Variants in SPTLC3 observed in about 807,000 individuals in gnomAD.
SPTLC3 encodes serine palmitoyltransferase 3.
A neutral mutation model predicts 59.3 loss-of-function variants in SPTLC3; 36 were observed. The ratio of observed to expected loss-of-function variants is 0.61; its 90% confidence interval spans 0.47 to 0.80. The LOEUF is 0.80. Ranked by LOEUF, SPTLC3 falls within the 30% of genes least tolerant of loss-of-function variation. The probability of loss-of-function intolerance (pLI) is 0.00; values close to 1 mark genes in which losing one functional copy is unlikely to be tolerated. For missense variants in SPTLC3, 625 were observed against 685.1 expected (o/e 0.91, Z 0.98); for synonymous variants, 257 against 240.8 (o/e 1.07, Z -0.62).
At chr20:13,027,637 GCACGCACACA>G (rs538847395) in intron 1 of SPTLC3, among the ~76,000 whole-genome samples, 7,583 of 71,518 alleles carry the variant, frequency 0.11, 232 homozygotes, top group South Asian at 0.21. Flanking sequence ...ATCTATTTCA[GCACGCACACA>G]CACACACACA....
intron 4 of SPTLC3, among the ~76,000 whole-genome samples, chr20:13,088,185 A>C (rs949865911): frequency 6.6e-6 from 1 of 152,204 alleles, no homozygotes; most frequent in African/African-American, 2.4e-5. Context: ...TTTATTCCCA[A>C]ATATCAGTTT....
chr20:13,082,861 T>C (rs537683396), intron 4 of SPTLC3, among the ~76,000 whole-genome samples: 10 of 152,288 alleles, frequency 6.6e-5, no homozygotes, highest in African/African-American at 2.4e-4. Flanking sequence ...GGCACCTGTG[T>C]ATATCTTTTA....
intron 7 of SPTLC3, among the ~76,000 whole-genome samples, chr20:13,113,396 T>TA (rs1320228646): frequency 6.6e-6 from 1 of 152,052 alleles, no homozygotes; most frequent in Admixed American, 6.6e-5. Context: ...CACCCCCACA[T>TA]ACATCAGCAC....
At chr20:13,080,422 C>T (rs548236890) in intron 4 of SPTLC3, among the ~76,000 whole-genome samples, 10 of 150,364 alleles carry the variant, frequency 6.7e-5, no homozygotes, top group Non-Finnish European at 1.0e-4. Flanking sequence ...GCAGGAAAAT[C>T]GCTTGAACCC....
intron 1 of SPTLC3, among the ~76,000 whole-genome samples, chr20:13,035,519 C>T (rs1986694031): frequency 6.6e-6 from 1 of 152,116 alleles, no homozygotes; most frequent in Non-Finnish European, 1.5e-5. Flanking sequence ...TTAATTACAC[C>T]AGGTGCCTTC....
At chr20:13,036,656 C>A (rs145467817) in intron 1 of SPTLC3, among the ~76,000 whole-genome samples, 1 of 152,042 alleles carries the variant, frequency 6.6e-6, no homozygotes, top group Non-Finnish European at 1.5e-5. Context: ...AAGGCCAGCA[C>A]CCTTAACCCC....
intron 1 of SPTLC3, among the ~76,000 whole-genome samples, chr20:13,026,910 C>T (rs1442713573): frequency 6.6e-6 from 1 of 152,264 alleles, no homozygotes; most frequent in African/African-American, 2.4e-5. Flanking sequence ...GATTCAACAC[C>T]CCCTAGAAGC....
chr20:13,026,193 G>C (rs2122409529), intron 1 of SPTLC3, among the ~76,000 whole-genome samples: 1 of 152,258 alleles, frequency 6.6e-6, no homozygotes, highest in Admixed American at 6.5e-5. Flanking sequence ...GAACATATAT[G>C]TGCATGTTTC....
At chr20:13,153,918 C>T (rs1275295238) in intron 9 of SPTLC3, 85 bp from the exon 10 acceptor site, 6 of 1,554,732 alleles carry the variant, frequency 3.9e-6, no homozygotes, top group Non-Finnish European at 4.4e-6. Context: ...TGCAGAAAGA[C>T]TTAAAGATGC....
At chr20:13,147,316 C>G (rs2038536925) in intron 9 of SPTLC3, among the ~76,000 whole-genome samples, 1 of 152,214 alleles carries the variant, frequency 6.6e-6, no homozygotes. Flanking sequence ...TTCTCCACCC[C>G]ACTGGGAAGC....
chr20:13,130,425 G>T lies in SPTLC3; in HGVS notation c.1279+3708G>T, dbSNP rs144192437. ...GTTGAGTTTGGGGAGCAGTTGGCCA[G>T]ATCTGTTCCTTGATGAATGTCTTCA... On this transcript the variant is annotated intron_variant, in intron 9 of 11. Transcript: ENST00000399002. 1.5e-3 allele frequency among the ~76,000 whole-genome samples: 234 copies of T among 152,320 alleles called. 1 individual carries two copies. Among genetic ancestry groups the T allele is most frequent in the African/African-American group, 5.4e-3 (225 of 41,570 alleles).
chr20:13,067,643 C>T (rs1472029124), intron 2 of SPTLC3, among the ~76,000 whole-genome samples: 1 of 152,108 alleles, frequency 6.6e-6, no homozygotes, highest in Middle Eastern at 3.2e-3. Context: ...CATCTTTATT[C>T]AATATCTCTA....
chr20:13,142,541 T>C (rs1241267388), intron 9 of SPTLC3, among the ~76,000 whole-genome samples: 1 of 152,160 alleles, frequency 6.6e-6, no homozygotes, highest in Non-Finnish European at 1.5e-5. Context: ...AGTGTGTGGG[T>C]CTGGGCTAGA....
At chr20:13,044,002 C>T (rs575511677) in intron 1 of SPTLC3, among the ~76,000 whole-genome samples, 2 of 152,090 alleles carry the variant, frequency 1.3e-5, no homozygotes, top group Admixed American at 1.3e-4. Context: ...TCCCTCACCT[C>T]TTCCTCCCTC....
chr20:13,102,711 C>T lies in SPTLC3; in HGVS notation c.827-7401C>T, dbSNP rs1989646107. Among the ~76,000 whole-genome samples the T allele has an allele frequency of 2.0e-5, 3 of 152,208 alleles. No homozygotes were observed. The South Asian group carries it at 6.2e-4, about 32-fold the overall frequency. ...CTACACTGTTCCCTGAATCATGTCT[C>T]ACCTTGGTGCATTGAGCCCCCTCAT... On this transcript the variant is annotated intron_variant, in intron 6 of 11. Transcript: ENST00000399002.
chr20:13,092,824 A>G (rs566066968), intron 5 of SPTLC3, among the ~76,000 whole-genome samples: 1 of 152,278 alleles, frequency 6.6e-6, no homozygotes, highest in South Asian at 2.1e-4. Flanking sequence ...ATTTGCCTGC[A>G]TTTTTGGTAT....
At position 13,046,925 on chromosome 20, in the gene SPTLC3, C is replaced by T. The variant is rs185766009; in HGVS notation, c.118-2020C>T. ...GACTGCCTATTAACCAATGCTCTTT[C>T]ATTTTCATTAGCTTATGCCATGAAG... On this transcript the variant is annotated intron_variant, in intron 1 of 11. Coordinates refer to ENST00000399002, the MANE Select transcript of SPTLC3 (RefSeq NM_018327.4). Among the ~76,000 whole-genome samples, 459 of 152,264 alleles carry T rather than the reference C, an allele frequency of 3.0e-3. 4 individuals are homozygous for T. The highest frequency in any genetic ancestry group is 0.01 in the African/African-American group (419 of 41,552).
At chr20:13,059,237 G>A (rs1987852235) in intron 2 of SPTLC3, among the ~76,000 whole-genome samples, 1 of 115,114 alleles carries the variant, frequency 8.7e-6, no homozygotes, top group African/African-American at 4.0e-5. Context: ...ATCCTAGCCT[G>A]TGTGCAGGAA....
chr20:13,069,918 T>C (rs1358615202), intron 2 of SPTLC3, among the ~76,000 whole-genome samples: 2 of 152,220 alleles, frequency 1.3e-5, no homozygotes, highest in Non-Finnish European at 2.9e-5. Context: ...CTGCTCTCTT[T>C]TCTCATGATA....
Sources: allele counts gnomAD v4.1 joint callset (sites outside exome capture counted in the v4.1 genomes callset), GRCh38; gene constraint gnomAD v4.1.1; transcripts MANE v1.5; gene names NCBI Gene and HGNC (gene_info 2026-07-23, HGNC 2026-07-21).